ZBTB10: variants seen among roughly 807,000 people sequenced by gnomAD.
ZBTB10 encodes zinc finger and BTB domain-containing protein 10.
A neutral mutation model predicts 76.4 loss-of-function variants in ZBTB10; 32 were observed. That is an observed-to-expected ratio of 0.42 (90% CI 0.32 to 0.56). The LOEUF is 0.56. Ranked by LOEUF, ZBTB10 falls within the 20% of genes least tolerant of loss-of-function variation. ZBTB10 has a pLI of 0.14. For synonymous variants in ZBTB10, 523 were observed against 432.9 expected, an observed-to-expected ratio of 1.21 and a Z score of -2.58; for missense variants, 1,057 against 1,098.5, an observed-to-expected ratio of 0.96 and a Z score of 0.53.
rs1325209568 is a variant in ZBTB10, at chr8:80,522,369, C to T, written c.*2841C>T. On this transcript the variant is annotated 3_prime_UTR_variant, in exon 6 of 6. Coordinates refer to ENST00000455036, the MANE Select transcript of ZBTB10 (RefSeq NM_001105539.3). Reference sequence around the variant, plus strand: ...TTTTAAATGAAAAAGTATTTTAGAGCTTTTAATGAAGGGGAAGAGTATAAA... The same window carrying T: ...TTTTAAATGAAAAAGTATTTTAGAGTTTTTAATGAAGGGGAAGAGTATAAA... The T allele has an allele frequency of 2.0e-5, 3 of 151,812 alleles. 1 individual carries two copies. Among genetic ancestry groups the T allele is most frequent in the African/African-American group, 7.2e-5 (3 of 41,410 alleles). The allele number at this position is 151,812 out of a possible 1,614,324, so 9.4% of individuals were successfully genotyped here. A position where few individuals can be genotyped will look rare whatever the true frequency, so the allele number is the denominator to read the frequency against.
chr8:80,518,507 C>T lies in ZBTB10; in HGVS notation c.2065C>T (p.Pro689Ser), dbSNP rs768309433. Reference sequence around the variant, plus strand: ...AAATGATTTCAAGTATGGATTGATACCAGGTGCTTCAAATGATTTCAAGTA... The same window carrying T: ...AAATGATTTCAAGTATGGATTGATATCAGGTGCTTCAAATGATTTCAAGTA... ...TSNDFKYGLI[P>S]GASNDFKYGL... is the part of the protein sequence containing the mutation. The change falls in exon 4 of 6, where the codon CCA becomes TCA. Residue 689 changes from proline (P) to serine (S), a missense_variant. Physicochemically the swap from Pro to Ser is moderately conservative, Grantham distance 74. This residue lies in a region of ZBTB10 where 306 missense variants were observed against 297.5 expected (regional missense o/e 1.03). Coordinates refer to ENST00000455036, the MANE Select transcript of ZBTB10 (RefSeq NM_001105539.3). The T allele has an allele frequency of 7.1e-6, 11 of 1,553,276 alleles. No homozygotes were observed. Among genetic ancestry groups the T allele is most frequent in the Non-Finnish European group, 9.6e-6 (11 of 1,147,942 alleles).
At position 80,499,180 on chromosome 8, in the gene ZBTB10, A is replaced by C. The variant is rs562742854; in HGVS notation, c.973-314A>C. ...AAGAGAAAGTTTCTTTTCTTAAGAA[A>C]ATAATTGCTCTTTTTAATTTTAATT... On this transcript the variant is annotated intron_variant, in intron 1 of 5. Transcript: ENST00000455036. 1.4e-4 allele frequency among the ~76,000 whole-genome samples: 22 copies of C among 152,328 alleles called. No individual in the cohort carries two copies. The South Asian group carries it at 4.4e-3, about 30-fold the overall frequency.
At chr8:80,510,350 A>G (rs1816157108) in intron 2 of ZBTB10, among the ~76,000 whole-genome samples, 1 of 152,156 alleles carries the variant, frequency 6.6e-6, no homozygotes, top group Non-Finnish European at 1.5e-5. Context: ...ACTGTCAGGA[A>G]GCAATGTAAT....
At chr8:80,508,117 C>G (rs1816105242) in intron 2 of ZBTB10, among the ~76,000 whole-genome samples, 1 of 152,128 alleles carries the variant, frequency 6.6e-6, no homozygotes, top group Admixed American at 6.5e-5. Context: ...TGATTATTAC[C>G]TGTAAGTTAG....
In ZBTB10 at chr8:80,493,223, A is replaced by G. The variant is rs1466450580; in HGVS notation, c.972+5441A>G. On this transcript the variant is annotated intron_variant, in intron 1 of 5. Transcript: ENST00000455036. Reference sequence around the variant, plus strand: ...CGCGCGCGCGCACACACACACACACACACACACACACACACACACACAGCC... The same window carrying G: ...CGCGCGCGCGCACACACACACACACGCACACACACACACACACACACAGCC... 2.5e-3 allele frequency among the ~76,000 whole-genome samples: 377 copies of G among 149,532 alleles called. 1 individual carries two copies. The highest frequency in any genetic ancestry group is 8.2e-3 in the African/African-American group (324 of 39,682).
chr8:80,500,034 C>G lies in ZBTB10; in HGVS notation c.1513C>G (p.Arg505Gly). The G allele has an allele frequency of 6.2e-7, 1 of 1,613,892 alleles. No homozygotes were observed. Among genetic ancestry groups the G allele is most frequent in the Non-Finnish European group, 8.5e-7 (1 of 1,179,860 alleles). The part of the protein sequence containing the change: ...DQKIASFWAT[R>G]NLTNLASNVK... ...AAAAATTGCCAGTTTTTGGGCAACA[C>G]GGAATCTTACCAATTTGGCAAGTAA... Residue 505 changes from arginine to glycine, a missense_variant, in exon 2 of 6, where the codon CGG becomes GGG. By Grantham distance (125) the Arg-to-Gly change is moderately radical. Transcript: ENST00000455036.
chr8:80,494,050 G>A (rs1815718879), intron 1 of ZBTB10, among the ~76,000 whole-genome samples: 1 of 152,096 alleles, frequency 6.6e-6, no homozygotes, highest in Non-Finnish European at 1.5e-5. Context: ...AACTTGCTAT[G>A]GCCTTGTTTG....
At chr8:80,516,835 A>G (rs1014118820) in intron 3 of ZBTB10, among the ~76,000 whole-genome samples, 2 of 152,224 alleles carry the variant, frequency 1.3e-5, no homozygotes, top group African/African-American at 4.8e-5. Context: ...CTGAGAACAT[A>G]TATGGGAAGT....
At chr8:80,491,303 C>T (rs1815624482) in intron 1 of ZBTB10, among the ~76,000 whole-genome samples, 1 of 152,128 alleles carries the variant, frequency 6.6e-6, no homozygotes, top group Non-Finnish European at 1.5e-5. Context: ...GATTTGTAGT[C>T]TGGGAGCAAT....
intron 1 of ZBTB10, among the ~76,000 whole-genome samples, chr8:80,493,111 G>A (rs1254020787): frequency 6.6e-6 from 1 of 151,722 alleles, no homozygotes; most frequent in Non-Finnish European, 1.5e-5. Flanking sequence ...CTACTTGGGA[G>A]GCTGAGGCAG....
At chr8:80,501,266 C>T (rs2131492605) in intron 2 of ZBTB10, among the ~76,000 whole-genome samples, 1 of 152,306 alleles carries the variant, frequency 6.6e-6, no homozygotes, top group Admixed American at 6.5e-5. Flanking sequence ...GCCTCTGAGG[C>T]CTTTCTCTTC....
chr8:80,486,723 A>G lies in ZBTB10; in HGVS notation c.-88A>G, dbSNP rs1815469913. 4 of 1,001,212 alleles carry G rather than the reference A, an allele frequency of 4.0e-6. No homozygotes were observed. The highest frequency in any genetic ancestry group is 1.1e-4 in the East Asian group (1 of 9,246). 62.0% of individuals were successfully genotyped at this position (1,001,212 alleles called of 1,614,324 possible). On this transcript the variant is annotated 5_prime_UTR_variant, in exon 1 of 6. Transcript: ENST00000455036. ...GGAACGCCGGGGGCGGGGGCGAGAC[A>G]GAGGGGGAGCCGCGGGGAGCGCGCG... is the stretch of plus-strand genomic sequence containing the variant.
chr8:80,503,982 C>T (rs74808887), intron 2 of ZBTB10, among the ~76,000 whole-genome samples: 2 of 152,210 alleles, frequency 1.3e-5, no homozygotes, highest in East Asian at 3.9e-4. Flanking sequence ...AAGTTCTGAC[C>T]AATATAGAAC....
chr8:80,486,623 A>C lies in ZBTB10; in HGVS notation c.-188A>C. Reference sequence around the variant, plus strand: ...GGCCCGGCAGCGGCAGCGGCAGCGGACGCGTGCAGCAGACCCGGGAGCGAG... The same window carrying C: ...GGCCCGGCAGCGGCAGCGGCAGCGGCCGCGTGCAGCAGACCCGGGAGCGAG... On this transcript the variant is annotated 5_prime_UTR_variant, in exon 1 of 6. Transcript: ENST00000455036. The C allele has an allele frequency of 4.1e-6, 4 of 984,344 alleles. No homozygotes were observed. The highest frequency in any genetic ancestry group is 4.8e-6 in the Non-Finnish European group (4 of 831,074). 61.0% of individuals were successfully genotyped at this position (984,344 alleles called of 1,614,324 possible). A position where few individuals can be genotyped will look rare whatever the true frequency, so the allele number is the denominator to read the frequency against.
rs1251478017 is a variant in ZBTB10, at chr8:80,518,784, G to C, written c.2140G>C (p.Glu714Gln). 6.2e-7 allele frequency: 1 copy of C among 1,606,052 alleles called. No homozygotes were observed. The highest frequency in any genetic ancestry group is 1.3e-5 in the African/African-American group (1 of 74,620). The change falls in exon 5 of 6, where the codon GAA becomes CAA. Residue 714 changes from glutamate to glutamine, a missense_variant and splice_region_variant. By Grantham distance (29) the Glu-to-Gln change is conservative. This residue lies in a region of ZBTB10 where 54 missense variants were observed against 138.1 expected (regional missense o/e 0.39). Coordinates refer to ENST00000455036, the MANE Select transcript of ZBTB10 (RefSeq NM_001105539.3). ...WPKQETWENG[E>Q]SSLIMNKLKC... ...TTCTCTTTTTTTAATTCTCATAGGT[G>C]AATCATCTCTAATCATGAACAAGTT...
intron 2 of ZBTB10, among the ~76,000 whole-genome samples, 176 bp downstream of exon 2, chr8:80,500,558 T>G (rs911482686): frequency 2.0e-5 from 3 of 152,174 alleles, no homozygotes; most frequent in African/African-American, 7.2e-5. Flanking sequence ...TTCTTTGTCT[T>G]TTTTCAACAC....
At chr8:80,498,786 TAAG>T (rs1815850605) in intron 1 of ZBTB10, among the ~76,000 whole-genome samples, 3 of 152,224 alleles carry the variant, frequency 2.0e-5, no homozygotes, top group Admixed American at 6.5e-5. Flanking sequence ...ACCTGTATGA[TAAG>T]AAGCAAAATT....
In ZBTB10 at chr8:80,524,697, T is replaced by G. The variant is rs1373934747; in HGVS notation, c.*5169T>G. On this transcript the variant is annotated 3_prime_UTR_variant, in exon 6 of 6. Transcript: ENST00000455036. ...TTATAATGCCTAGTATCTTTAAACA[T>G]GTAAAGAGCTATCATGAGGCAGAAG... 1 of 152,010 alleles carries G rather than the reference T, an allele frequency of 6.6e-6. No individual in the cohort carries two copies. The highest frequency in any genetic ancestry group is 2.4e-5 in the African/African-American group (1 of 41,418). The allele number at this position is 152,010 out of a possible 1,614,324, so 9.4% of individuals were successfully genotyped here.
chr8:80,487,426 A>G lies in ZBTB10; in HGVS notation c.616A>G (p.Ser206Gly), dbSNP rs1304106471. The G allele has an allele frequency of 5.8e-6, 9 of 1,543,506 alleles. No homozygotes were observed. The South Asian group carries it at 6.0e-5, about 10-fold the overall frequency. ...CGGGGCGGAAGGCGGCAGCTGCAGCAGCAGCAGGCGGTCGGGCGGCGATGG... is the reference window on the plus strand; with the variant it reads ...CGGGGCGGAAGGCGGCAGCTGCAGCGGCAGCAGGCGGTCGGGCGGCGATGG... ...GSGAEGGSCS[S>G]SRRSGGDGGD... The change falls in exon 1 of 6, where the codon AGC becomes GGC. Residue 206 changes from serine to glycine, a missense_variant. By Grantham distance (56) the Ser-to-Gly change is moderately conservative. Around this residue, in one of 5 missense-constraint regions of ZBTB10, gnomAD observed 556 missense variants for 451.7 expected, o/e 1.23. Transcript: ENST00000455036.
Sources: allele counts gnomAD v4.1 joint callset (sites outside exome capture counted in the v4.1 genomes callset), GRCh38; gene constraint gnomAD v4.1.1; regional missense constraint gnomAD v4.1.1; transcripts MANE v1.5; gene names NCBI Gene and HGNC (gene_info 2026-07-23, HGNC 2026-07-21).